Variants in VRTN observed in about 807,000 individuals in gnomAD.
VRTN encodes the protein vertnin.
A neutral mutation model predicts 18.2 loss-of-function variants in VRTN; 5 were observed. The ratio of observed to expected loss-of-function variants is 0.27; its 90% confidence interval spans 0.14 to 0.58. VRTN has a LOEUF of 0.58. Among genes scored for constraint, VRTN ranks in the 20% least tolerant of loss-of-function variants. The pLI is 0.91. For missense variants in VRTN, 741 were observed against 939.4 expected (o/e 0.79, Z 2.76); for synonymous variants, 381 against 393.7 (o/e 0.97, Z 0.38).
At chr14:74,351,194 T>G (rs1244052079) in intron 1 of VRTN, among the ~76,000 whole-genome samples, 1 of 152,258 alleles carries the variant, frequency 6.6e-6, no homozygotes, top group Non-Finnish European at 1.5e-5. Flanking sequence ...AAAGCTTGTC[T>G]GTGTGTACAC....
intron 1 of VRTN, among the ~76,000 whole-genome samples, chr14:74,325,440 A>AAAAAACG (rs1394763439): frequency 6.6e-6 from 1 of 152,046 alleles, no homozygotes; most frequent in African/African-American, 2.4e-5. Context: ...GTCAAAAAAC[A>AAAAAACG]AAAAACAAAC....
rs750198094 is a variant in VRTN, at chr14:74,358,195, C to G, written c.1412C>G (p.Ala471Gly). The G allele has an allele frequency of 6.2e-7, 1 of 1,613,516 alleles. No individual in the cohort carries two copies. The highest frequency in any genetic ancestry group is 8.5e-7 in the Non-Finnish European group (1 of 1,179,774). The change falls in exon 2 of 2, where the codon GCT (alanine) becomes GGT (glycine). Residue 471 changes from alanine to glycine, a missense_variant. Coordinates refer to ENST00000256362, the MANE Select transcript of VRTN (RefSeq NM_018228.3). This position sits in a 1 kb window ranked among gnomAD's most constrained non-coding sequence, Gnocchi z 5.4. The part of the protein sequence containing the change: ...TPQLASVGEG[A>G]VIPWKSEAEE... ...CAGCTAGCATCTGTTGGGGAAGGGG[C>G]TGTAATTCCTTGGAAGAGTGAGGCG...
At chr14:74,354,703 C>G (rs2085712395) in intron 1 of VRTN, among the ~76,000 whole-genome samples, 1 of 151,992 alleles carries the variant, frequency 6.6e-6, no homozygotes, top group African/African-American at 2.4e-5. Flanking sequence ...ACACCCAGCC[C>G]CATGGGTTTC....
Position 74,357,958 on chromosome 14 carries a change from T to C in VRTN, c.1175T>C (p.Leu392Pro), listed in dbSNP as rs886768642. Residue 392 changes from leucine to proline, a missense_variant, in exon 2 of 2, where the codon CTG (leucine) becomes CCG (proline). Physicochemically the swap from Leu to Pro is moderately conservative, Grantham distance 98 (BLOSUM62 -3). Around this residue, in one of 3 missense-constraint regions of VRTN, gnomAD observed 494 missense variants for 546.5 expected, o/e 0.90. Coordinates refer to ENST00000256362, the MANE Select transcript of VRTN (RefSeq NM_018228.3). The surrounding 1 kb of genome is among the most constrained non-coding windows in gnomAD (Gnocchi z 7.8). ...VAEEELECSA[L>P]AVSSPGMVLM... is the part of the protein sequence containing the mutation. Reference sequence around the variant, plus strand: ...GAGGAGGAGCTGGAGTGCTCCGCACTGGCGGTGTCAAGCCCTGGAATGGTC... The same window carrying C: ...GAGGAGGAGCTGGAGTGCTCCGCACCGGCGGTGTCAAGCCCTGGAATGGTC... 1 of 1,614,178 alleles carries C rather than the reference T, an allele frequency of 6.2e-7. No homozygotes were observed. The highest frequency in any genetic ancestry group is 1.7e-5 in the Admixed American group (1 of 60,026).
chr14:74,352,303 C>T (rs571786976), intron 1 of VRTN, among the ~76,000 whole-genome samples: 44 of 152,164 alleles, frequency 2.9e-4, no homozygotes, highest in African/African-American at 7.2e-4. Flanking sequence ...CTCGGCCTCC[C>T]GAGTAGCTGG....
chr14:74,314,886 C>T (rs1043993467), intron 1 of VRTN, among the ~76,000 whole-genome samples: 14 of 152,076 alleles, frequency 9.2e-5, no homozygotes, highest in Non-Finnish European at 2.1e-4. Flanking sequence ...GGGCAGTGCC[C>T]CTTCTGAAAT....
At chr14:74,320,249 CTTTTTTTT>C (rs71115982) in intron 1 of VRTN, among the ~76,000 whole-genome samples, 4 of 72,690 alleles carry the variant, frequency 5.5e-5, no homozygotes, top group South Asian at 5.9e-4. Context: ...GATCCCATCC[CTTTTTTTT>C]TTTTTTTTTT....
Position 74,358,221 on chromosome 14 carries a change from G to C in VRTN, c.1438G>C (p.Glu480Gln), listed in dbSNP as rs755029643. Residue 480 changes from glutamate to glutamine, a missense_variant, in exon 2 of 2, where the codon GAA becomes CAA. Physicochemically the swap from Glu to Gln is conservative, Grantham distance 29. Coordinates refer to ENST00000256362, the MANE Select transcript of VRTN (RefSeq NM_018228.3). This position sits in a 1 kb window ranked among gnomAD's most constrained non-coding sequence, Gnocchi z 5.4. ...GAVIPWKSEA[E>Q]EGAGNATGED... ...TGTAATTCCTTGGAAGAGTGAGGCG[G>C]AAGAGGGGGCAGGGAATGCCACAGG... 2 of 1,612,586 alleles carry C rather than the reference G, an allele frequency of 1.2e-6. No homozygotes were observed. The highest frequency in any genetic ancestry group is 3.3e-5 in the Admixed American group (2 of 59,988).
At chr14:74,322,721 G>A (rs570789209) in intron 1 of VRTN, among the ~76,000 whole-genome samples, 1 of 152,308 alleles carries the variant, frequency 6.6e-6, no homozygotes, top group Admixed American at 6.5e-5. Context: ...TGGAACAGAA[G>A]CTCCTCAAAG....
intron 2 of VRTN, among the ~76,000 whole-genome samples, chr14:74,341,407 T>C (rs972815304): frequency 6.6e-6 from 1 of 152,244 alleles, no homozygotes; most frequent in African/African-American, 2.4e-5. Context: ...GACTTGCTTT[T>C]AGTAGCTGAT....
intron 1 of VRTN, among the ~76,000 whole-genome samples, chr14:74,331,544 T>TTTTATATA (rs1287566275): frequency 3.7e-4 from 16 of 43,474 alleles, no homozygotes; most frequent in African/African-American, 7.8e-4. Flanking sequence ...AAAAAAAATT[T>TTTTATATA]TATATATATA....
intron 1 of VRTN, among the ~76,000 whole-genome samples, chr14:74,326,572 CCTG>C (rs1284677426): frequency 1.1e-4 from 17 of 152,166 alleles, no homozygotes; most frequent in Admixed American, 1.1e-3. Flanking sequence ...CCTTCTCGCA[CCTG>C]CTGGCAGCGG....
chr14:74,308,937 A>C (rs2085371738), intron 1 of VRTN, among the ~76,000 whole-genome samples: 1 of 150,996 alleles, frequency 6.6e-6, no homozygotes. Flanking sequence ...ATCTCAGGTC[A>C]CAGCAACCTC....
chr14:74,355,002 C>T (rs1312606482), intron 1 of VRTN, among the ~76,000 whole-genome samples: 2 of 151,826 alleles, frequency 1.3e-5, no homozygotes, highest in Non-Finnish European at 1.5e-5. Context: ...ATTAGCTGGG[C>T]ATGGTGGCAT....
intron 1 of VRTN, among the ~76,000 whole-genome samples, chr14:74,331,127 G>T (rs151269112): frequency 1.3e-5 from 2 of 151,810 alleles, no homozygotes; most frequent in Non-Finnish European, 2.9e-5. Flanking sequence ...GCGTGAACCC[G>T]GGAGGCGGAG....
intron 2 of VRTN, among the ~76,000 whole-genome samples, chr14:74,342,141 G>GGAGGCA (rs1164030024): frequency 1.3e-5 from 2 of 151,998 alleles, no homozygotes; most frequent in Non-Finnish European, 1.5e-5. Flanking sequence ...AGGCAGAGGC[G>GGAGGCA]GAGGCAGAGG....
chr14:74,336,602 C>T (rs2085566216), intron 1 of VRTN, among the ~76,000 whole-genome samples: 1 of 152,088 alleles, frequency 6.6e-6, no homozygotes, highest in Non-Finnish European at 1.5e-5. Context: ...ATTTGGCTAT[C>T]TTTCTGGGTT....
At chr14:74,320,554 G>A (rs1410851833) in intron 1 of VRTN, among the ~76,000 whole-genome samples, 10 of 112,712 alleles carry the variant, frequency 8.9e-5, no homozygotes, top group Non-Finnish European at 1.4e-4. Flanking sequence ...GAGCCACTGC[G>A]CCCGGCCTCT....
At chr14:74,312,061 C>T (rs182921394) in intron 1 of VRTN, among the ~76,000 whole-genome samples, 30 of 152,316 alleles carry the variant, frequency 2.0e-4, no homozygotes, top group Non-Finnish European at 2.9e-4. Context: ...TGAGCCACCG[C>T]GCCCAGCCAG....
Sources: allele counts gnomAD v4.1 joint callset (sites outside exome capture counted in the v4.1 genomes callset), GRCh38; gene constraint gnomAD v4.1.1; regional missense constraint gnomAD v4.1.1; non-coding constraint Gnocchi (gnomAD v3.1); transcripts MANE v1.5; gene names NCBI Gene and HGNC (gene_info 2026-07-23, HGNC 2026-07-21).